Variants in ANO1 observed in about 807,000 individuals in gnomAD.
The protein encoded by ANO1 is anoctamin 1.
In ANO1, 59 loss-of-function variants were observed where a neutral mutation model predicts 124.0. That is an observed-to-expected ratio of 0.48 (90% CI 0.39 to 0.59). The LOEUF (loss-of-function observed/expected upper bound fraction) is 0.59. Among genes scored for constraint, ANO1 ranks in the 20% least tolerant of loss-of-function variants. ANO1 has a pLI of 0.00. For synonymous variants in ANO1, 529 were observed against 532.0 expected, an observed-to-expected ratio of 0.99 and a Z score of 0.08; for missense variants, 1,059 against 1,328.0, an observed-to-expected ratio of 0.80 and a Z score of 3.15.
chr11:69,991,924 G>A (rs1003685769), intron 1 of ANO1, among the ~76,000 whole-genome samples: 3 of 152,204 alleles, frequency 2.0e-5, no homozygotes, highest in Non-Finnish European at 4.4e-5. Context: ...AATATCCCAG[G>A]CCCCCTCCCT....
chr11:70,009,754 G>A (rs1184652228), intron 1 of ANO1, among the ~76,000 whole-genome samples: 1 of 152,114 alleles, frequency 6.6e-6, no homozygotes, highest in African/African-American at 2.4e-5. Flanking sequence ...AAGGCAGAGA[G>A]GGGAGAGGTG....
the ANO1 span, among the ~76,000 whole-genome samples, chr11:69,980,077 G>T: frequency 4.6e-5 from 7 of 152,124 alleles, no homozygotes; most frequent in African/African-American, 9.7e-5. Flanking sequence ...TAAAAATAAA[G>T]TTCGATAAGC....
At chr11:70,131,090 C>T (rs923636610) in intron 10 of ANO1, among the ~76,000 whole-genome samples, 1 of 152,128 alleles carries the variant, frequency 6.6e-6, no homozygotes, top group Non-Finnish European at 1.5e-5. Context: ...CCGTGCCTGC[C>T]GATTATATGG....
intron 14 of ANO1, among the ~76,000 whole-genome samples, chr11:70,154,429 C>T (rs532538076): frequency 1.4e-5 from 2 of 147,550 alleles, no homozygotes; most frequent in East Asian, 2.0e-4. Context: ...GGGTACAGCT[C>T]GGTCCTCCTA....
intron 2 of ANO1, among the ~76,000 whole-genome samples, chr11:70,089,658 A>G (rs995896017): frequency 6.6e-6 from 1 of 152,176 alleles, no homozygotes; most frequent in Non-Finnish European, 1.5e-5. Context: ...ATCAGGAAGC[A>G]AAGTTTGATC....
At chr11:70,019,239 C>G (rs1382793469) in intron 1 of ANO1, among the ~76,000 whole-genome samples, 1 of 37,870 alleles carries the variant, frequency 2.6e-5, no homozygotes, top group Non-Finnish European at 7.3e-5. Context: ...AAAGAAGAAC[C>G]CCCCCACACA....
intron 1 of ANO1, among the ~76,000 whole-genome samples, chr11:70,057,586 C>A (rs1471788934): frequency 6.6e-6 from 1 of 152,130 alleles, no homozygotes; most frequent in East Asian, 1.9e-4. Flanking sequence ...TGGAAAATTA[C>A]AGTTAAAGGG....
intron 1 of ANO1, among the ~76,000 whole-genome samples, chr11:70,016,024 CTT>C (rs5792504): frequency 7.4e-5 from 11 of 147,892 alleles, no homozygotes; most frequent in African/African-American, 1.7e-4. Context: ...TCCTTTCTTT[CTT>C]TTTTTTTTTC....
Position 70,188,311 on chromosome 11 carries a change from T to A in ANO1, c.*307T>A. ...CTTTGCAGAAAGAATGCTTGGAAACTTGAGTCTCCCTAGAGGTGAAAAGTG... is the reference window on the plus strand; with the variant it reads ...CTTTGCAGAAAGAATGCTTGGAAACATGAGTCTCCCTAGAGGTGAAAAGTG... On this transcript the variant is annotated 3_prime_UTR_variant, in exon 26 of 26. Transcript: ENST00000355303. The A allele has an allele frequency of 2.4e-6, 1 of 422,372 alleles. No homozygotes were observed. Among genetic ancestry groups the A allele is most frequent in the Non-Finnish European group, 4.3e-6 (1 of 232,658 alleles). 26.2% of individuals were successfully genotyped at this position (422,372 alleles called of 1,614,324 possible). A position where few individuals can be genotyped will look rare whatever the true frequency, so the allele number is the denominator to read the frequency against.
the ANO1 span, among the ~76,000 whole-genome samples, chr11:69,969,561 C>T: frequency 6.6e-6 from 1 of 152,284 alleles, no homozygotes; most frequent in Admixed American, 6.5e-5. Context: ...ATCCAGCTCT[C>T]CTGGGAAAGT....
chr11:70,032,544 G>T (rs1216955894), intron 1 of ANO1, among the ~76,000 whole-genome samples: 1 of 149,990 alleles, frequency 6.7e-6, no homozygotes, highest in Non-Finnish European at 1.5e-5. Context: ...GAGGGGGGGG[G>T]TCTCTGAAGG....
chr11:69,995,243 G>T (rs1222750727), intron 1 of ANO1, among the ~76,000 whole-genome samples: 1 of 151,930 alleles, frequency 6.6e-6, no homozygotes, highest in African/African-American at 2.4e-5. Flanking sequence ...GGGACTACAG[G>T]CGCGTGCCAC....
At chr11:70,135,089 G>T (rs1394395179) in intron 11 of ANO1, among the ~76,000 whole-genome samples, 1 of 152,148 alleles carries the variant, frequency 6.6e-6, no homozygotes, top group Non-Finnish European at 1.5e-5. Context: ...ACACAGTGGG[G>T]GCCCAGCTCC....
chr11:70,092,846 G>A (rs1052105983), intron 2 of ANO1, among the ~76,000 whole-genome samples: 1 of 152,166 alleles, frequency 6.6e-6, no homozygotes, highest in African/African-American at 2.4e-5. Flanking sequence ...CCCAGGGGTG[G>A]GTCAAGAAGG....
upstream of ANO1, among the ~76,000 whole-genome samples, chr11:69,981,623 T>C (rs1004376587): frequency 6.6e-6 from 1 of 152,182 alleles, no homozygotes; most frequent in Non-Finnish European, 1.5e-5. Context: ...GTATCAGTGG[T>C]GAGCAGCTGC....
intron 1 of ANO1, among the ~76,000 whole-genome samples, chr11:69,990,638 C>T (rs1856136011): frequency 1.3e-5 from 2 of 152,214 alleles, no homozygotes; most frequent in African/African-American, 4.8e-5. Flanking sequence ...ATCTCCACAT[C>T]CTTAGCAGCA....
intron 1 of ANO1, among the ~76,000 whole-genome samples, chr11:70,028,770 A>C (rs1283324882): frequency 1.3e-5 from 2 of 152,098 alleles, no homozygotes; most frequent in African/African-American, 4.8e-5. Flanking sequence ...CTGTCAAGCC[A>C]GATCCTAAGT....
At chr11:70,134,826 G>A (rs114915900) in intron 11 of ANO1, among the ~76,000 whole-genome samples, 1,694 of 152,342 alleles carry the variant, frequency 0.011, 38 homozygotes, top group African/African-American at 0.037. Context: ...TGCAGCGTAG[G>A]TTTCAAGAGA....
chr11:70,187,303 C>T (rs539841266), intron 25 of ANO1, among the ~76,000 whole-genome samples: 5 of 152,216 alleles, frequency 3.3e-5, no homozygotes, highest in Non-Finnish European at 7.3e-5. Flanking sequence ...CTTCTATCCA[C>T]CAGAAATGTC....
Sources: allele counts gnomAD v4.1 joint callset (sites outside exome capture counted in the v4.1 genomes callset), GRCh38; gene constraint gnomAD v4.1.1; transcripts MANE v1.5; gene names NCBI Gene and HGNC (gene_info 2026-07-23, HGNC 2026-07-21).